Variants in RANBP6 observed in about 807,000 individuals in gnomAD.
The protein encoded by RANBP6 is ran-binding protein 6.
Under a neutral mutation model 35.3 loss-of-function variants are expected in RANBP6, and 10 were observed. The ratio of observed to expected loss-of-function variants is 0.28; its 90% CI spans 0.17 to 0.48. The LOEUF (loss-of-function observed/expected upper bound fraction) is 0.48, where lower values mean the gene tolerates loss of function less well. Ranked by LOEUF, RANBP6 falls within the 20% of genes least tolerant of loss-of-function variation. RANBP6 has a pLI of 0.99. For missense variants in RANBP6, 1,392 were observed against 1,307.7 expected (o/e 1.06, Z -0.99); for synonymous variants, 514 against 464.2 (o/e 1.11, Z -1.38).
In RANBP6 at chr9:6,013,425, C is replaced by T. The variant is rs761791393; in HGVS notation, c.2183G>A (p.Arg728Gln). The change falls in exon 1 of 1, where the codon CGA (arginine) becomes CAA (glutamine). Residue 728 changes from arginine to glutamine, a missense_variant. Transcript: ENST00000259569. ...LLKFYFHDNVRVAAAESMPFL... is the reference protein window; with the variant it reads ...LLKFYFHDNVQVAAAESMPFL... ...AGGCATGGACTCTGCTGCTGCCACT[C>T]GAACATTGTCATGGAAATAAAATTT... 6.8e-6 allele frequency: 11 copies of T among 1,614,084 alleles called. No homozygotes were observed. The highest frequency in any genetic ancestry group is 4.0e-5 in the African/African-American group (3 of 74,924).
In RANBP6 at chr9:6,013,649, T is replaced by A. The variant is rs758842421; in HGVS notation, c.1959A>T (p.Thr653=). Residue 653 remains threonine, a synonymous_variant, in exon 1 of 1, where the codon ACA becomes ACT. Transcript: ENST00000259569. ...SAKPDVALLD[T]QDVENMSDDD... ...CGTCACTCATATTTTCCACATCCTG[T>A]GTGTCTAAGAGAGCAACATCAGGTT... 8 of 1,614,110 alleles carry A rather than the reference T, an allele frequency of 5.0e-6. No individual in the cohort carries two copies. In the African/African-American group the frequency reaches 1.1e-4, roughly 22 times the overall value.
chr9:6,011,287 C>G lies in RANBP6; in HGVS notation c.*1003G>C, dbSNP rs906982991. ...TTCTCATAATAATGCACATCTACTG[C>G]TAAATGACTACTCTCAAAGTTGTTT... On this transcript the variant is annotated 3_prime_UTR_variant, in exon 1 of 1. Transcript: ENST00000259569. 3.3e-5 allele frequency: 5 copies of G among 152,274 alleles called. No homozygotes were observed. Among genetic ancestry groups the G allele is most frequent in the African/African-American group, 1.2e-4 (5 of 41,544 alleles). 9.4% of individuals were successfully genotyped at this position (152,274 alleles called of 1,614,324 possible).
rs1260164817 is a variant in RANBP6, at chr9:6,011,254, G to C, written c.*1036C>G. ...TAATATAATTAACCCTGGACTTATA[G>C]AACTGTTTTCTCATAATAATGCACA... On this transcript the variant is annotated 3_prime_UTR_variant, in exon 1 of 1. Transcript: ENST00000259569. 6.6e-6 allele frequency: 1 copy of C among 152,156 alleles called. No homozygotes were observed. Among genetic ancestry groups the C allele is most frequent in the East Asian group, 1.9e-4 (1 of 5,194 alleles). The allele number at this position is 152,156 out of a possible 1,614,324, so 9.4% of individuals were successfully genotyped here. A position where few individuals can be genotyped will look rare whatever the true frequency, so the allele number is the denominator to read the frequency against.
rs769028396 is a variant in RANBP6, at chr9:6,014,393, T to C, written c.1215A>G (p.Leu405=). The C allele has an allele frequency of 1.5e-5, 24 of 1,614,082 alleles. No homozygotes were observed. In the Admixed American group the frequency reaches 2.3e-4, roughly 16 times the overall value. Residue 405 remains leucine (L), a synonymous_variant, in exon 1 of 1, where the codon CTA becomes CTG. Coordinates refer to ENST00000259569, the MANE Select transcript of RANBP6 (RefSeq NM_012416.4). ...GCAAAACGGAGTTAACTGTTTCATC[T>C]AGAATTGATTCCATTTGTTGATGGC... ...EGCHQQMESI[L]DETVNSVLLF...
rs761477124 is a variant in RANBP6, at chr9:6,014,308, T to C, written c.1300A>G (p.Met434Val). 1.2e-6 allele frequency: 2 copies of C among 1,614,112 alleles called. No individual in the cohort carries two copies. The highest frequency in any genetic ancestry group is 2.7e-5 in the African/African-American group (2 of 74,942). The stretch of plus-strand genomic sequence containing the variant: ...AAATTAGGTGCAAAATCTGTAGCCA[T>C]CTGTCCAAGTGTAGTACAGGCTGCA... The part of the protein sequence containing the change: ...RAAACTTLGQ[M>V]ATDFAPNFQK... The change falls in exon 1 of 1, where the codon ATG (methionine) becomes GTG (valine). Residue 434 changes from methionine (M) to valine (V), a missense_variant. Transcript: ENST00000259569.
chr9:6,014,622 C>T lies in RANBP6; in HGVS notation c.986G>A (p.Trp329Ter). Residue 329 changes from tryptophan to a stop codon, truncating the protein, a stop_gained, in exon 1 of 1, where the codon TGG (tryptophan) becomes TAG (stop). Coordinates refer to ENST00000259569, the MANE Select transcript of RANBP6 (RefSeq NM_012416.4). LOFTEE classifies it low-confidence loss of function (END_TRUNC). ...TTCTTCCATTTCATCAGCATTTACC[C>T]AGTCCTCATCATCTTGTAGATCAAC... The part of the protein sequence containing the change: ...MMVDLQDDED[W>*]VNADEMEEDD... The T allele has an allele frequency of 6.2e-7, 1 of 1,614,202 alleles. No individual in the cohort carries two copies. Among genetic ancestry groups the T allele is most frequent in the Non-Finnish European group, 8.5e-7 (1 of 1,180,032 alleles).
rs779911838 is a variant in RANBP6 at position 6,013,063 on chromosome 9, T to C, written c.2545A>G (p.Lys849Glu). 7.4e-6 allele frequency: 12 copies of C among 1,613,970 alleles called. No individual in the cohort carries two copies. The highest frequency in any genetic ancestry group is 1.0e-5 in the Non-Finnish European group (12 of 1,179,970). Reference sequence around the variant, plus strand: ...AATGAGTGCAAAATATCTGATACTTTGGTCAGAATATAAACATCACATTCA... The same window carrying C: ...AATGAGTGCAAAATATCTGATACTTCGGTCAGAATATAAACATCACATTCA... ...EDECDVYILT[K>E]VSDILHSLFS... Residue 849 changes from lysine to glutamate, a missense_variant, in exon 1 of 1, where the codon AAA becomes GAA. By Grantham distance (56) the Lys-to-Glu change is moderately conservative. Coordinates refer to ENST00000259569, the MANE Select transcript of RANBP6 (RefSeq NM_012416.4).
In RANBP6 at chr9:6,014,488, T is replaced by C. The variant is rs796769765; in HGVS notation, c.1120A>G (p.Met374Val). ...LPMTKEHIMQ[M>V]LQSPDWKYRH... is the part of the protein sequence containing the mutation. ...TACTTCCAGTCAGGGCTCTGAAGCATCTGCATGATATGCTCCTTGGTCATT... is the reference window on the plus strand; with the variant it reads ...TACTTCCAGTCAGGGCTCTGAAGCACCTGCATGATATGCTCCTTGGTCATT... Residue 374 changes from methionine (M) to valine (V), a missense_variant, in exon 1 of 1, where the codon ATG (methionine) becomes GTG (valine). Coordinates refer to ENST00000259569, the MANE Select transcript of RANBP6 (RefSeq NM_012416.4). 6.2e-7 allele frequency: 1 copy of C among 1,614,226 alleles called. No homozygotes were observed. The highest frequency in any genetic ancestry group is 8.5e-7 in the Non-Finnish European group (1 of 1,180,046).
Position 6,013,409 on chromosome 9 carries a change from C to G in RANBP6, c.2199G>C (p.Glu733Asp). The G allele has an allele frequency of 6.2e-7, 1 of 1,614,230 alleles. No homozygotes were observed. The highest frequency in any genetic ancestry group is 8.5e-7 in the Non-Finnish European group (1 of 1,180,032). ...CACATTCCAGGAGAAAAGGCATGGACTCTGCTGCTGCCACTCGAACATTGT... is the reference window on the plus strand; with the variant it reads ...CACATTCCAGGAGAAAAGGCATGGAGTCTGCTGCTGCCACTCGAACATTGT... ...FHDNVRVAAAESMPFLLECAR... is the reference protein window; with the variant it reads ...FHDNVRVAAADSMPFLLECAR... Residue 733 changes from glutamate to aspartate, a missense_variant, in exon 1 of 1, where the codon GAG becomes GAC. By Grantham distance (45) the Glu-to-Asp change is conservative. Transcript: ENST00000259569.
Position 6,014,245 on chromosome 9 carries a change from A to G in RANBP6, c.1363T>C (p.Leu455=). 1 of 1,614,172 alleles carries G rather than the reference A, an allele frequency of 6.2e-7. No homozygotes were observed. Among genetic ancestry groups the G allele is most frequent in the Non-Finnish European group, 8.5e-7 (1 of 1,180,016 alleles). Residue 455 remains leucine, a synonymous_variant, in exon 1 of 1, where the codon TTA becomes CTA. Transcript: ENST00000259569. ...TTACCTTGATTTTCCATGGTACGTA[A>G]CAGAGCTGCAATCACTGTTTCATGA... is the stretch of plus-strand genomic sequence containing the variant. ...KFHETVIAAL[L]RTMENQGNQR... is the part of the protein sequence containing the mutation.
chr9:6,012,256 A>G lies in RANBP6; in HGVS notation c.*34T>C. 7.2e-7 allele frequency: 1 copy of G among 1,396,376 alleles called. No homozygotes were observed. The highest frequency in any genetic ancestry group is 9.6e-7 in the Non-Finnish European group (1 of 1,040,384). The allele number at this position is 1,396,376 out of a possible 1,614,324, so 86.5% of individuals were successfully genotyped here. ...ACAACACTTATTTGTAGTTACTTTT[A>G]TAATAGATAATATTCAAGTTATATT... is the stretch of plus-strand genomic sequence containing the variant. On this transcript the variant is annotated 3_prime_UTR_variant, in exon 1 of 1. Coordinates refer to ENST00000259569, the MANE Select transcript of RANBP6 (RefSeq NM_012416.4).
Position 6,013,976 on chromosome 9 carries a change from G to C in RANBP6, c.1632C>G (p.Pro544=), listed in dbSNP as rs1314152158. 20 of 1,613,930 alleles carry C rather than the reference G, an allele frequency of 1.2e-5. No individual in the cohort carries two copies. Among genetic ancestry groups the C allele is most frequent in the Non-Finnish European group, 1.7e-5 (20 of 1,179,990 alleles). The change falls in exon 1 of 1, where the codon CCC becomes CCG. Residue 544 remains proline (P), a synonymous_variant. Transcript: ENST00000259569. The part of the protein sequence containing the change: ...KFVPYYDIFM[P]SLKHIVELAV... ...CAAGCTCAACAATGTGCTTTAGTGA[G>C]GGCATGAATATATCATAATATGGGA...
In RANBP6 at chr9:6,012,800, G is replaced by A. The variant is rs781172151; in HGVS notation, c.2808C>T (p.Gly936=). 3.1e-6 allele frequency: 5 copies of A among 1,614,090 alleles called. No homozygotes were observed. The highest frequency in any genetic ancestry group is 3.3e-5 in the Admixed American group (2 of 60,012). ...NPEVRQAAAY[G]LGVMAQFGGD... is the part of the protein sequence containing the mutation. ...CACCAAACTGTGCCATGACACCCAG[G>A]CCATAAGCAGCAGCTTGCCTGACTT... Residue 936 remains glycine (G), a synonymous_variant, in exon 1 of 1, where the codon GGC becomes GGT. Transcript: ENST00000259569.
chr9:6,014,789 T>G lies in RANBP6; in HGVS notation c.819A>C (p.Leu273Phe). ...GATTACTAAGCCTAGAGTCTCCACA[T>G]AACTTCAAACTCAACTGTAGAGTAT... is the stretch of plus-strand genomic sequence containing the variant. The part of the protein sequence containing the change: ...LEDTLQLSLK[L>F]CGDSRLSNLQ... The change falls in exon 1 of 1, where the codon TTA becomes TTC. Residue 273 changes from leucine (L) to phenylalanine (F), a missense_variant. Coordinates refer to ENST00000259569, the MANE Select transcript of RANBP6 (RefSeq NM_012416.4). The G allele has an allele frequency of 6.2e-7, 1 of 1,614,172 alleles. No homozygotes were observed. Among genetic ancestry groups the G allele is most frequent in the Non-Finnish European group, 8.5e-7 (1 of 1,180,038 alleles).
rs750608900 is a variant in RANBP6, at chr9:6,014,471, G to A, written c.1137C>T (p.Asp379=). 12 of 1,614,068 alleles carry A rather than the reference G, an allele frequency of 7.4e-6. No individual in the cohort carries two copies. The East Asian group carries it at 8.9e-5, about 12-fold the overall frequency. ...TTAATCCAGCATGTCGATACTTCCA[G>A]TCAGGGCTCTGAAGCATCTGCATGA... ...EHIMQMLQSP[D]WKYRHAGLMA... The change falls in exon 1 of 1, where the codon GAC becomes GAT. Residue 379 remains aspartate, a synonymous_variant. Transcript: ENST00000259569.
At position 6,014,736 on chromosome 9, in the gene RANBP6, A is replaced by G. The variant is rs375333354; in HGVS notation, c.872T>C (p.Ile291Thr). The change falls in exon 1 of 1, where the codon ATA (isoleucine) becomes ACA (threonine). Residue 291 changes from isoleucine (I) to threonine (T), a missense_variant. Transcript: ENST00000259569. ...AGTGGCAGTTTCAGACAAGGTCACT[A>G]TAACTTCGAGGGCCAGCTGGCGCTG... Reference protein sequence around the residue: ...NLQRQLALEVIVTLSETATPM... With the variant: ...NLQRQLALEVTVTLSETATPM... 1.9e-6 allele frequency: 3 copies of G among 1,614,180 alleles called. No homozygotes were observed. Among genetic ancestry groups the G allele is most frequent in the South Asian group, 1.1e-5 (1 of 91,090 alleles).
Position 6,012,651 on chromosome 9 carries a change from T to C in RANBP6, c.2957A>G (p.Lys986Arg). Residue 986 changes from lysine to arginine, a missense_variant, in exon 1 of 1, where the codon AAG becomes AGG. Coordinates refer to ENST00000259569, the MANE Select transcript of RANBP6 (RefSeq NM_012416.4). ...ACAGTTAGGCTTAAACTTCAAAATCTTCCCTATTGCTGAGATACAGTTCTC... is the reference window on the plus strand; with the variant it reads ...ACAGTTAGGCTTAAACTTCAAAATCCTCCCTATTGCTGAGATACAGTTCTC... ...ATENCISAIG[K>R]ILKFKPNCVN... 3 of 1,613,576 alleles carry C rather than the reference T, an allele frequency of 1.9e-6. No homozygotes were observed. Among genetic ancestry groups the C allele is most frequent in the Non-Finnish European group, 2.5e-6 (3 of 1,179,818 alleles).
At position 6,013,721 on chromosome 9, in the gene RANBP6, C is replaced by G; in HGVS notation, c.1887G>C (p.Gln629His). ...GAGGCTCGATAACCAGTGGAAGGTA[C>G]TGTTGAAAATCTTTTCCAAGAATTT... ...MCKILGKDFQ[Q>H]YLPLVIEPLI... is the part of the protein sequence containing the mutation. Residue 629 changes from glutamine to histidine, a missense_variant, in exon 1 of 1, where the codon CAG (glutamine) becomes CAC (histidine). Physicochemically the swap from Gln to His is conservative, Grantham distance 24. Transcript: ENST00000259569. The G allele has an allele frequency of 2.5e-6, 4 of 1,614,048 alleles. No individual in the cohort carries two copies. In the South Asian group the frequency reaches 4.4e-5, roughly 18 times the overall value.
In RANBP6 at chr9:6,012,522, T is replaced by C; in HGVS notation, c.3086A>G (p.Glu1029Gly). ...QTLSFLCDLI[E>G]SNHPVVIGPN... ...ACCAATTACAACTGGGTGGTTACTT[T>C]CAATTAGGTCACAGAGAAAACTCAA... Residue 1029 changes from glutamate to glycine, a missense_variant, in exon 1 of 1, where the codon GAA becomes GGA. Glu to Gly is a moderately conservative substitution (Grantham distance 98, BLOSUM62 -2). Coordinates refer to ENST00000259569, the MANE Select transcript of RANBP6 (RefSeq NM_012416.4). 1 of 1,612,554 alleles carries C rather than the reference T, an allele frequency of 6.2e-7. No individual in the cohort carries two copies. The highest frequency in any genetic ancestry group is 8.5e-7 in the Non-Finnish European group (1 of 1,179,406).
Sources: gnomAD v4.1 joint callset for allele counts on GRCh38, gnomAD v4.1.1 for gene constraint, MANE v1.5 for transcripts, NCBI Gene and HGNC (gene_info 2026-07-23, HGNC 2026-07-21) for gene names.